MKLN1: variants seen among roughly 807,000 people sequenced by gnomAD.
The protein encoded by MKLN1 is muskelin 1.
A neutral mutation model predicts 99.0 loss-of-function variants in MKLN1; 18 were observed. The observed-to-expected ratio is 0.18, with a 90% CI of 0.13 to 0.27. MKLN1 has a LOEUF of 0.27. Among genes scored for constraint, MKLN1 ranks in the 10% least tolerant of loss-of-function variants. The probability of loss-of-function intolerance (pLI) is 1.00; values close to 1 mark genes in which losing one functional copy is unlikely to be tolerated. For missense variants in MKLN1, 621 were observed against 875.9 expected (o/e 0.71, Z 3.67); for synonymous variants, 288 against 293.2 (o/e 0.98, Z 0.18).
chr7:131,324,644 A>C (rs1798848339), upstream of MKLN1, among the ~76,000 whole-genome samples: 1 of 152,206 alleles, frequency 6.6e-6, no homozygotes, highest in Admixed American at 6.5e-5. Context: ...TTGGCTATAC[A>C]TTATGAAACT....
chr7:131,244,835 G>T (rs1797461413), intron 3 of MKLN1, among the ~76,000 whole-genome samples: 1 of 151,888 alleles, frequency 6.6e-6, no homozygotes, highest in African/African-American at 2.4e-5. Flanking sequence ...CCCCTCCTCT[G>T]CACATATGCC....
At chr7:131,247,235 C>CTTTTTTTTT (rs72068521) in intron 3 of MKLN1, among the ~76,000 whole-genome samples, 6,859 of 140,216 alleles carry the variant, frequency 0.049, 233 homozygotes, top group East Asian at 0.13. Context: ...TTTCTTTTTT[C>CTTTTTTTTT]TTTTTTTTTT....
intron 2 of MKLN1, among the ~76,000 whole-genome samples, chr7:131,196,203 T>G (rs781087040): frequency 6.6e-6 from 1 of 152,216 alleles, no homozygotes; most frequent in Non-Finnish European, 1.5e-5. Flanking sequence ...GCATAGCACA[T>G]GGAAGCTGGA....
intron 2 of MKLN1, among the ~76,000 whole-genome samples, chr7:131,379,288 A>G (rs1217328561): frequency 1.3e-5 from 2 of 152,246 alleles, no homozygotes; most frequent in Non-Finnish European, 2.9e-5. Flanking sequence ...ATAACTAAGT[A>G]TATAGCAGAA....
At chr7:131,285,503 G>A (rs375669024) in intron 3 of MKLN1, among the ~76,000 whole-genome samples, 17 of 152,310 alleles carry the variant, frequency 1.1e-4, no homozygotes, top group African/African-American at 4.1e-4. Context: ...TGGATGTGAG[G>A]ACCTGTCGTA....
chr7:131,300,105 T>C (rs985956951), intron 3 of MKLN1, among the ~76,000 whole-genome samples: 3 of 151,246 alleles, frequency 2.0e-5, no homozygotes, highest in Non-Finnish European at 4.4e-5. Context: ...GAGCTGGGAG[T>C]GGGAAAGATG....
intron 1 of MKLN1, 105 bp from the exon 2 acceptor site, chr7:131,375,319 G>A: frequency 1.4e-6 from 1 of 703,082 alleles, no homozygotes; most frequent in Non-Finnish European, 2.5e-6. Flanking sequence ...TCTTATTCAA[G>A]TTCCAAACAT....
intron 3 of MKLN1, among the ~76,000 whole-genome samples, chr7:131,258,716 A>G (rs935859990): frequency 6.6e-6 from 1 of 152,188 alleles, no homozygotes; most frequent in African/African-American, 2.4e-5. Flanking sequence ...TTGTGTGGTT[A>G]TATTTTCCCC....
At chr7:131,328,731 A>G (rs1798973822) in intron 1 of MKLN1, among the ~76,000 whole-genome samples, 1 of 152,240 alleles carries the variant, frequency 6.6e-6, no homozygotes, top group South Asian at 2.1e-4. Flanking sequence ...ACATAGAAAC[A>G]TCTGGCTTTA....
chr7:131,393,129 G>C (rs1794256223), intron 4 of MKLN1, among the ~76,000 whole-genome samples: 1 of 152,132 alleles, frequency 6.6e-6, no homozygotes, highest in Non-Finnish European at 1.5e-5. Context: ...GGTGACACAG[G>C]GATGTTGATT....
At chr7:131,254,214 C>T (rs1245926103) in intron 3 of MKLN1, among the ~76,000 whole-genome samples, 1 of 152,116 alleles carries the variant, frequency 6.6e-6, no homozygotes, top group Non-Finnish European at 1.5e-5. Context: ...TGAGGAGCAA[C>T]GTTAAGAGAT....
In MKLN1 at chr7:131,368,438, T is replaced by C. The variant is rs141344905; in HGVS notation, c.99-6986T>C. Among the ~76,000 whole-genome samples, 138 of 152,302 alleles carry C rather than the reference T, an allele frequency of 9.1e-4. 2 individuals are homozygous for C. Among genetic ancestry groups the C allele is most frequent in the Non-Finnish European group, 1.7e-3 (117 of 68,020 alleles). On this transcript the variant is annotated intron_variant, in intron 1 of 17. Transcript: ENST00000352689. ...GATTTATGAAGAAAAGAAGTTTAAC[T>C]GACTCACAGGTCTGTAGGCTTGATA...
chr7:131,193,613 ATCCGCCCGCCTCGG>A (rs1185182715), intron 2 of MKLN1, among the ~76,000 whole-genome samples: 1 of 151,976 alleles, frequency 6.6e-6, no homozygotes, highest in African/African-American at 2.4e-5. Flanking sequence ...TGACCTCGTG[ATCCGCCCGCCTCGG>A]CCTCTCAGCC....
chr7:131,409,659 G>A (rs991182724), intron 6 of MKLN1, among the ~76,000 whole-genome samples: 2 of 152,098 alleles, frequency 1.3e-5, no homozygotes, highest in Admixed American at 6.6e-5. Context: ...TATATAAATC[G>A]CAGAAAACAG....
At chr7:131,396,650 A>G (rs1269356980) in intron 4 of MKLN1, among the ~76,000 whole-genome samples, 1 of 152,116 alleles carries the variant, frequency 6.6e-6, no homozygotes, top group Non-Finnish European at 1.5e-5. Flanking sequence ...ATAATAATGT[A>G]TTTAAGTCAT....
intron 17 of MKLN1, among the ~76,000 whole-genome samples, chr7:131,486,280 T>C (rs1797275050): frequency 6.6e-6 from 1 of 150,622 alleles, no homozygotes; most frequent in South Asian, 2.1e-4. Context: ...AAGCATAAAA[T>C]AGGAAGACTC....
At chr7:131,115,803 A>G (rs757651418) in intron 1 of MKLN1, among the ~76,000 whole-genome samples, 8 of 152,118 alleles carry the variant, frequency 5.3e-5, no homozygotes, top group Non-Finnish European at 1.0e-4. Context: ...GGTCATTCTG[A>G]TCTTTGCTTA....
intron 9 of MKLN1, among the ~76,000 whole-genome samples, chr7:131,434,578 CAG>C (rs1446692905): frequency 1.3e-5 from 2 of 151,834 alleles, no homozygotes; most frequent in East Asian, 1.9e-4. Context: ...TTGTTTGAGA[CAG>C]AGTCTTTCTG....
chr7:131,440,025 C>T (rs1795793217), intron 10 of MKLN1, among the ~76,000 whole-genome samples: 4 of 152,018 alleles, frequency 2.6e-5, no homozygotes. Flanking sequence ...TGTTGAAGCC[C>T]ACAACAGTAT....
Sources: allele counts gnomAD v4.1 joint callset (sites outside exome capture counted in the v4.1 genomes callset), GRCh38; gene constraint gnomAD v4.1.1; transcripts MANE v1.5; gene names NCBI Gene and HGNC (gene_info 2026-07-23, HGNC 2026-07-21).